The following PYGO1 variants were observed in gnomAD, a reference collection of about 807,000 sequenced individuals.
The protein encoded by PYGO1 is pygopus family PHD finger 1.
PYGO1 carries 6 observed loss-of-function variants against 29.5 expected under a neutral mutation model. That is an observed-to-expected ratio of 0.20 (90% confidence interval 0.11 to 0.40). The LOEUF (loss-of-function observed/expected upper bound fraction) is 0.40. Among genes scored for constraint, PYGO1 ranks in the 10% least tolerant of loss-of-function variants. The pLI is 1.00. For synonymous variants in PYGO1, 186 were observed against 180.5 expected (o/e 1.03, Z -0.24); for missense variants, 515 against 514.9 (o/e 1.00, Z 0.00).
chr15:55,567,202 T>TTTTTTTTTTTTG, intron 1 of PYGO1, among the ~76,000 whole-genome samples: 1 of 92,336 alleles, frequency 1.1e-5, no homozygotes, highest in Non-Finnish European at 2.2e-5. Flanking sequence ...CCCACCTTTT[T>TTTTTTTTTTTTG]TTTTTTTTTT....
At chr15:55,559,277 GA>G (rs2058922010) in intron 1 of PYGO1, among the ~76,000 whole-genome samples, 1 of 152,050 alleles carries the variant, frequency 6.6e-6, no homozygotes, top group African/African-American at 2.4e-5. Flanking sequence ...AAACCACAAT[GA>G]GATACCATCT....
Position 55,546,854 on chromosome 15 carries a change from A to G in PYGO1, c.429T>C (p.Pro143=), listed in dbSNP as rs751361562. ...CATGTGGCCCAAAGTTAAAAGCATG[A>G]GGTCGATTAAAACCCATGCCCAGAG... ...QNPLGMGFNR[P]HAFNFGPHDN... The change falls in exon 3 of 3, where the codon CCT becomes CCC. Residue 143 remains proline, a synonymous_variant. Coordinates refer to ENST00000563719, the MANE Select transcript of PYGO1 (RefSeq NM_001367806.1). 6 of 1,614,064 alleles carry G rather than the reference A, an allele frequency of 3.7e-6. No individual in the cohort carries two copies. Among genetic ancestry groups the G allele is most frequent in the Non-Finnish European group, 5.1e-6 (6 of 1,180,004 alleles).
chr15:55,553,759 T>C (rs768348968), intron 1 of PYGO1, among the ~76,000 whole-genome samples: 5 of 151,940 alleles, frequency 3.3e-5, no homozygotes, highest in Non-Finnish European at 7.4e-5. Context: ...ATACCTCCTA[T>C]AGAAGCACTC....
rs139707309 is a variant in PYGO1 at position 55,571,766 on chromosome 15, C to T, written c.49+16069G>A. On this transcript the variant is annotated intron_variant, in intron 1 of 2. Transcript: ENST00000563719. Reference sequence around the variant, plus strand: ...AGCGTGAAAATCATCCAGTATTCGTCTTTCTGTGACTAGACTAATACATCC... The same window carrying T: ...AGCGTGAAAATCATCCAGTATTCGTTTTTCTGTGACTAGACTAATACATCC... Among the ~76,000 whole-genome samples the T allele has an allele frequency of 1.8e-4, 27 of 152,232 alleles. No homozygotes were observed. In the East Asian group the frequency reaches 5.2e-3, roughly 29 times the overall value.
At position 55,546,773 on chromosome 15, in the gene PYGO1, G is replaced by A; in HGVS notation, c.510C>T (p.Asn170=). Residue 170 remains asparagine, a synonymous_variant, in exon 3 of 3, where the codon AAC becomes AAT. Transcript: ENST00000563719. Reference sequence around the variant, plus strand: ...TTTGTCTAAAATGTTGATTAGGCATGTTGACATTCTGACTTAGTGCATTAT... The same window carrying A: ...TTTGTCTAAAATGTTGATTAGGCATATTGACATTCTGACTTAGTGCATTAT... The part of the protein sequence containing the change: ...SYNNALSQNV[N]MPNQHFRQNP... 6.2e-7 allele frequency: 1 copy of A among 1,614,056 alleles called. No homozygotes were observed. Among genetic ancestry groups the A allele is most frequent in the Non-Finnish European group, 8.5e-7 (1 of 1,179,936 alleles).
At chr15:55,563,789 C>T (rs1019087776) in intron 1 of PYGO1, among the ~76,000 whole-genome samples, 1 of 152,118 alleles carries the variant, frequency 6.6e-6, no homozygotes, top group African/African-American at 2.4e-5. Context: ...ATAAAATACA[C>T]AAATGGCCAA....
chr15:55,560,854 C>G (rs995349047), intron 1 of PYGO1, among the ~76,000 whole-genome samples: 1 of 152,030 alleles, frequency 6.6e-6, no homozygotes, highest in Non-Finnish European at 1.5e-5. Context: ...CTCAGCTACT[C>G]GGGAGGCTGA....
chr15:55,570,634 T>G (rs567861376), intron 1 of PYGO1, among the ~76,000 whole-genome samples: 3 of 152,234 alleles, frequency 2.0e-5, no homozygotes, highest in African/African-American at 7.2e-5. Context: ...ATTTTTACAT[T>G]TATAAAAATG....
At chr15:55,585,412 A>T (rs2059042457) in intron 1 of PYGO1, among the ~76,000 whole-genome samples, 1 of 152,232 alleles carries the variant, frequency 6.6e-6, no homozygotes, top group African/African-American at 2.4e-5. Flanking sequence ...AAATTACATT[A>T]AATAACAAAA....
At chr15:55,552,986 G>C (rs112594908) in intron 1 of PYGO1, among the ~76,000 whole-genome samples, 1 of 152,196 alleles carries the variant, frequency 6.6e-6, no homozygotes, top group Non-Finnish European at 1.5e-5. Context: ...GAGACTGGCT[G>C]AGACAGAGCA....
chr15:55,558,893 C>A (rs1181845506), intron 1 of PYGO1, among the ~76,000 whole-genome samples: 1 of 151,706 alleles, frequency 6.6e-6, no homozygotes, highest in African/African-American at 2.4e-5. Flanking sequence ...AGAAGAAAAC[C>A]TAGGCAATAC....
chr15:55,565,356 CA>C (rs2141662778), intron 1 of PYGO1, among the ~76,000 whole-genome samples: 1 of 152,094 alleles, frequency 6.6e-6, no homozygotes, highest in East Asian at 1.9e-4. Flanking sequence ...CATCTGTTTT[CA>C]TTTATCTCAC....
chr15:55,576,079 T>A (rs1205648011), intron 1 of PYGO1, among the ~76,000 whole-genome samples: 1 of 152,146 alleles, frequency 6.6e-6, no homozygotes, highest in African/African-American at 2.4e-5. Context: ...CCTGACCAAA[T>A]CCTAGTTGAT....
chr15:55,578,311 G>A (rs1233794133), intron 1 of PYGO1, among the ~76,000 whole-genome samples: 1 of 151,402 alleles, frequency 6.6e-6, no homozygotes. Context: ...AAATATTCTT[G>A]TACAAGTTTT....
At position 55,542,837 on chromosome 15, in the gene PYGO1, G is replaced by A. The variant is rs1039736903; in HGVS notation, c.*3186C>T. 1 of 152,190 alleles carries A rather than the reference G, an allele frequency of 6.6e-6. No individual in the cohort carries two copies. 9.4% of individuals were successfully genotyped at this position (152,190 alleles called of 1,614,324 possible). A position where few individuals can be genotyped will look rare whatever the true frequency, so the allele number is the denominator to read the frequency against. ...CCAGCTACTCAGGAGGCTGAGGCAG[G>A]AGAATCACTTGAACCAGGAAGGCAG... is the stretch of plus-strand genomic sequence containing the variant. On this transcript the variant is annotated 3_prime_UTR_variant, in exon 3 of 3. Coordinates refer to ENST00000563719, the MANE Select transcript of PYGO1 (RefSeq NM_001367806.1).
At chr15:55,557,565 C>A (rs2058912036) in intron 1 of PYGO1, among the ~76,000 whole-genome samples, 2 of 152,304 alleles carry the variant, frequency 1.3e-5, no homozygotes, top group South Asian at 4.1e-4. Context: ...GACCAATCTC[C>A]CTGATGAACA....
rs1014636906 is a variant in PYGO1, at chr15:55,540,413, A to G, written c.*5610T>C. ...TAATTTTAGTAGTATGTGCTAAAAAATCCTAATATGCACTGCCATTTAAGG... is the reference window on the plus strand; with the variant it reads ...TAATTTTAGTAGTATGTGCTAAAAAGTCCTAATATGCACTGCCATTTAAGG... On this transcript the variant is annotated 3_prime_UTR_variant, in exon 3 of 3. Coordinates refer to ENST00000563719, the MANE Select transcript of PYGO1 (RefSeq NM_001367806.1). 6.6e-6 allele frequency: 1 copy of G among 152,118 alleles called. No individual in the cohort carries two copies. The highest frequency in any genetic ancestry group is 1.5e-5 in the Non-Finnish European group (1 of 67,950). 9.4% of individuals were successfully genotyped at this position (152,118 alleles called of 1,614,324 possible). A position where few individuals can be genotyped will look rare whatever the true frequency, so the allele number is the denominator to read the frequency against.
chr15:55,555,267 T>C (rs1052228748), intron 1 of PYGO1, among the ~76,000 whole-genome samples: 3 of 151,986 alleles, frequency 2.0e-5, no homozygotes, highest in Non-Finnish European at 2.9e-5. Flanking sequence ...CTAAGCTTTA[T>C]AAGCAAAGGA....
intron 1 of PYGO1, among the ~76,000 whole-genome samples, chr15:55,559,521 A>C (rs2058923027): frequency 6.6e-6 from 1 of 152,208 alleles, no homozygotes; most frequent in African/African-American, 2.4e-5. Context: ...CTATAAAGAC[A>C]CATGCACACG....
Sources: allele counts gnomAD v4.1 joint callset (sites outside exome capture counted in the v4.1 genomes callset), GRCh38; gene constraint gnomAD v4.1.1; transcripts MANE v1.5; gene names NCBI Gene and HGNC (gene_info 2026-07-23, HGNC 2026-07-21).